Variants in RPA1 observed in about 807,000 individuals in gnomAD.
RPA1 encodes the protein replication protein A 70 kDa DNA-binding subunit.
Under a neutral mutation model 83.0 loss-of-function variants are expected in RPA1, and 49 were observed. The ratio of observed to expected loss-of-function variants is 0.59; its 90% CI spans 0.47 to 0.75. The LOEUF is 0.75. RPA1 is among the 30% of genes least tolerant of loss of function. RPA1 has a pLI of 0.00. For missense variants in RPA1, 693 were observed against 776.1 expected, an observed-to-expected ratio of 0.89 and a Z score of 1.27; for synonymous variants, 279 against 281.8, an observed-to-expected ratio of 0.99 and a Z score of 0.10.
intron 16 of RPA1, among the ~76,000 whole-genome samples, chr17:1,895,508 G>T (rs1176422585): frequency 6.6e-6 from 1 of 151,754 alleles, no homozygotes; most frequent in Non-Finnish European, 1.5e-5. Flanking sequence ...TGTGGTCCCA[G>T]CTACTTGGGA....
intron 15 of RPA1, among the ~76,000 whole-genome samples, chr17:1,894,755 T>C (rs928508966): frequency 6.6e-6 from 1 of 152,176 alleles, no homozygotes; most frequent in Non-Finnish European, 1.5e-5. Context: ...AAGCAATAGC[T>C]CCTTTTCCAA....
chr17:1,895,092 C>A lies in RPA1; in HGVS notation c.1743C>A (p.Tyr581Ter), dbSNP rs748753709. 1 of 1,612,914 alleles carries A rather than the reference C, an allele frequency of 6.2e-7. No individual in the cohort carries two copies. The highest frequency in any genetic ancestry group is 1.1e-5 in the South Asian group (1 of 91,026). The change falls in exon 16 of 17, where the codon TAC (tyrosine) becomes TAA (stop). Residue 581 changes from tyrosine to a stop codon, truncating the protein, a stop_gained. Coordinates refer to ENST00000254719, the MANE Select transcript of RPA1 (RefSeq NM_002945.5). LOFTEE classifies it high-confidence loss of function. ...IFRVRVKVET[Y>*]NDESRIKATV... ...GAGTCAGGGTCAAAGTGGAGACCTA[C>A]AACGTAAGTAAGGGCCTGGGCAGCA...
At chr17:1,889,815 C>T (rs1230254025) in intron 14 of RPA1, among the ~76,000 whole-genome samples, 1 of 151,854 alleles carries the variant, frequency 6.6e-6, no homozygotes, top group Non-Finnish European at 1.5e-5. Context: ...GCCTGGCCAA[C>T]ATGGTGAAAC....
chr17:1,873,683 A>G (rs1377371498), intron 6 of RPA1, among the ~76,000 whole-genome samples: 3 of 151,986 alleles, frequency 2.0e-5, no homozygotes, highest in African/African-American at 7.3e-5. Context: ...CTATTTATAC[A>G]CAACTCAAAA....
At chr17:1,881,561 A>G (rs906097779) in intron 12 of RPA1, among the ~76,000 whole-genome samples, 2 of 152,236 alleles carry the variant, frequency 1.3e-5, no homozygotes, top group African/African-American at 2.4e-5. Context: ...GGGCCCGTTC[A>G]TAGTCTGACC....
chr17:1,872,561 G>C, intron 6 of RPA1, 35 bp downstream of exon 6: 1 of 1,608,234 alleles, frequency 6.2e-7, no homozygotes, highest in Non-Finnish European at 8.5e-7. Context: ...CTGACCAGGG[G>C]TGTCAGACTT....
chr17:1,875,687 G>C lies in RPA1; in HGVS notation c.481G>C (p.Ala161Pro). 6.2e-7 allele frequency: 1 copy of C among 1,614,092 alleles called. No individual in the cohort carries two copies. The highest frequency in any genetic ancestry group is 8.5e-7 in the Non-Finnish European group (1 of 1,180,000). ...TTCTACTGTTTCTAAGGCTTATGGT[G>C]CTTCAAAGACATTTGGAAAAGCTGC... Reference protein sequence around the residue: ...MGSTVSKAYGASKTFGKAAGP... With the variant: ...MGSTVSKAYGPSKTFGKAAGP... Residue 161 changes from alanine (A) to proline (P), a missense_variant, in exon 7 of 17, where the codon GCT (alanine) becomes CCT (proline). Coordinates refer to ENST00000254719, the MANE Select transcript of RPA1 (RefSeq NM_002945.5).
At position 1,879,715 on chromosome 17, in the gene RPA1, G is replaced by A. The variant is rs1913709590; in HGVS notation, c.1092+16G>A. The A allele has an allele frequency of 5.6e-6, 9 of 1,614,044 alleles. No homozygotes were observed. The highest frequency in any genetic ancestry group is 7.6e-6 in the Non-Finnish European group (9 of 1,179,994). On this transcript the variant is annotated intron_variant, in intron 11 of 16. Transcript: ENST00000254719. ...GGGGGAAGATGTAAGTGCTGGGATG[G>A]GGTCTTCAACACGCACAGGACCTCC...
At position 1,898,432 on chromosome 17, in the gene RPA1, T is replaced by C. The variant is rs1914527861; in HGVS notation, c.*1257T>C. Reference sequence around the variant, plus strand: ...AGTCAGCAAAAGCATGCTCGCTCTGTGTGTTCCTAATCATATTAATTATCT... The same window carrying C: ...AGTCAGCAAAAGCATGCTCGCTCTGCGTGTTCCTAATCATATTAATTATCT... On this transcript the variant is annotated 3_prime_UTR_variant, in exon 17 of 17. Transcript: ENST00000254719. 6.6e-6 allele frequency: 1 copy of C among 152,238 alleles called. No individual in the cohort carries two copies. Among genetic ancestry groups the C allele is most frequent in the Admixed American group, 6.5e-5 (1 of 15,282 alleles). The allele number at this position is 152,238 out of a possible 1,614,324, so 9.4% of individuals were successfully genotyped here.
rs147691691 is a variant in RPA1, at chr17:1,879,229, G to T, written c.774G>T (p.Ser258=). 1 of 1,613,786 alleles carries T rather than the reference G, an allele frequency of 6.2e-7. No homozygotes were observed. Among genetic ancestry groups the T allele is most frequent in the Admixed American group, 1.7e-5 (1 of 60,000 alleles). The change falls in exon 10 of 17, where the codon TCG becomes TCT. Residue 258 remains serine (S), a synonymous_variant. Transcript: ENST00000254719. ...CTCCTTCGCAGGTGTATTATTTCTC[G>T]AAAGGCACCCTGAAGATTGCTAACA... ...LIEVNKVYYF[S]KGTLKIANKQ...
intron 1 of RPA1, among the ~76,000 whole-genome samples, chr17:1,839,830 A>G (rs1389942002): frequency 4.3e-5 from 5 of 115,686 alleles, no homozygotes; most frequent in Admixed American, 2.4e-4. Context: ...GGGCTTTACT[A>G]TCACTCAGGT....
chr17:1,889,875 C>T (rs188546507), intron 14 of RPA1, among the ~76,000 whole-genome samples: 2 of 152,028 alleles, frequency 1.3e-5, no homozygotes, highest in East Asian at 3.9e-4. Flanking sequence ...TGGCGGGTGC[C>T]TGTAGTCCCA....
chr17:1,866,962 G>A (rs536213866), intron 5 of RPA1, among the ~76,000 whole-genome samples: 16 of 152,304 alleles, frequency 1.1e-4, no homozygotes, highest in African/African-American at 3.6e-4. Flanking sequence ...TGTGTATGCA[G>A]TTGGCATTCA....
intron 5 of RPA1, among the ~76,000 whole-genome samples, chr17:1,855,488 G>A (rs1912659476): frequency 6.6e-6 from 1 of 152,140 alleles, no homozygotes; most frequent in Non-Finnish European, 1.5e-5. Context: ...ACGTTGATTG[G>A]TTTTTGAGCG....
intron 1 of RPA1, 39 bp from the exon 2 acceptor site, chr17:1,842,764 G>T: frequency 6.4e-7 from 1 of 1,558,292 alleles, no homozygotes; most frequent in African/African-American, 1.4e-5. Flanking sequence ...ATCATGATTT[G>T]AGTGCGTATC....
At position 1,879,241 on chromosome 17, in the gene RPA1, G is replaced by A; in HGVS notation, c.786G>A (p.Leu262=). 6.2e-7 allele frequency: 1 copy of A among 1,614,092 alleles called. No individual in the cohort carries two copies. The highest frequency in any genetic ancestry group is 8.5e-7 in the Non-Finnish European group (1 of 1,179,996). The change falls in exon 10 of 17, where the codon CTG becomes CTA. Residue 262 remains leucine, a synonymous_variant. Coordinates refer to ENST00000254719, the MANE Select transcript of RPA1 (RefSeq NM_002945.5). The part of the protein sequence containing the change: ...NKVYYFSKGT[L]KIANKQFTAV... ...TGTATTATTTCTCGAAAGGCACCCT[G>A]AAGATTGCTAACAAGCAGTTCACAG...
chr17:1,851,479 T>G (rs1912495604), intron 4 of RPA1, among the ~76,000 whole-genome samples: 1 of 152,220 alleles, frequency 6.6e-6, no homozygotes, highest in South Asian at 2.1e-4. Context: ...TTTGGCTGAT[T>G]GCATCCCTGT....
Position 1,830,134 on chromosome 17 carries a change from G to A in RPA1, c.33+8G>A, listed in dbSNP as rs1156477961. 3 of 1,245,798 alleles carry A rather than the reference G, an allele frequency of 2.4e-6. No homozygotes were observed. Among genetic ancestry groups the A allele is most frequent in the Non-Finnish European group, 2.0e-6 (2 of 987,830 alleles). 77.2% of individuals were successfully genotyped at this position (1,245,798 alleles called of 1,614,324 possible). A position where few individuals can be genotyped will look rare whatever the true frequency, so the allele number is the denominator to read the frequency against. On this transcript the variant is annotated splice_region_variant and intron_variant, in intron 1 of 16. Coordinates refer to ENST00000254719, the MANE Select transcript of RPA1 (RefSeq NM_002945.5). ...AGCGAGGGGGCCATTGCGGTGAGGA[G>A]GTGCCGGGGGCTGGGCCGGCGGTCC...
intron 13 of RPA1, among the ~76,000 whole-genome samples, chr17:1,885,846 ATG>A (rs1913968698): frequency 6.6e-6 from 1 of 152,248 alleles, no homozygotes; most frequent in South Asian, 2.1e-4. Flanking sequence ...CTCATGAAAT[ATG>A]TCTCTTAGAC....
Sources: gnomAD v4.1 joint callset for allele counts (sites outside exome capture counted in the v4.1 genomes callset) on GRCh38, gnomAD v4.1.1 for gene constraint, MANE v1.5 for transcripts, NCBI Gene and HGNC (gene_info 2026-07-23, HGNC 2026-07-21) for gene names.